Variants in EPG5 observed in about 807,000 individuals in gnomAD.
EPG5 encodes the protein ectopic P granules protein 5 homolog.
Under a neutral mutation model 302.7 loss-of-function variants are expected in EPG5, and 159 were observed. The observed-to-expected ratio is 0.53, with a 90% CI of 0.46 to 0.60. The LOEUF (loss-of-function observed/expected upper bound fraction) is 0.60. EPG5 is among the 20% of genes least tolerant of loss of function. EPG5 has a pLI of 0.00. For missense variants in EPG5, 2,896 were observed against 3,092.4 expected (o/e 0.94, Z 1.51); for synonymous variants, 1,158 against 1,136.8 (o/e 1.02, Z -0.37).
intron 15 of EPG5, 47 bp from the exon 16 acceptor site, chr18:45,922,647 A>C (rs2050185096): frequency 6.3e-7 from 1 of 1,597,996 alleles, no homozygotes. Flanking sequence ...ACACAAATTA[A>C]ATCAGTAAGC....
At chr18:45,905,685 C>A (rs1484970842) in intron 24 of EPG5, among the ~76,000 whole-genome samples, 2 of 152,096 alleles carry the variant, frequency 1.3e-5, no homozygotes, top group Non-Finnish European at 2.9e-5. Flanking sequence ...GCTTGAATTA[C>A]AGATCAAGAA....
chr18:45,901,193 C>T, intron 25 of EPG5, 26 bp from the exon 26 acceptor site: 1 of 1,600,548 alleles, frequency 6.2e-7, no homozygotes, highest in East Asian at 2.2e-5. Flanking sequence ...GTCATATATA[C>T]TGAGCAATCA....
intron 7 of EPG5, among the ~76,000 whole-genome samples, chr18:45,945,544 T>C (rs1483111009): frequency 1.3e-5 from 2 of 152,140 alleles, no homozygotes; most frequent in Admixed American, 1.3e-4. Context: ...AATCAAATAT[T>C]TTGACTGGAA....
chr18:45,837,956 C>G, the EPG5 span: 11 of 1,420,178 alleles, frequency 7.7e-6, no homozygotes, highest in Non-Finnish European at 1.0e-5. Flanking sequence ...CTGCCCCGCC[C>G]CAAGGGCTAC....
chr18:45,965,598 A>G (rs540861200), intron 1 of EPG5, among the ~76,000 whole-genome samples: 1 of 152,234 alleles, frequency 6.6e-6, no homozygotes, highest in Non-Finnish European at 1.5e-5. Flanking sequence ...TCATGCTTAA[A>G]TTACACCTGC....
chr18:45,812,838 C>G, the EPG5 span, among the ~76,000 whole-genome samples: 1 of 152,276 alleles, frequency 6.6e-6, no homozygotes, highest in South Asian at 2.1e-4. Context: ...CTAGGCAATA[C>G]CATTCAGGAC....
At chr18:45,923,158 A>G (rs886623452) in intron 15 of EPG5, 110 bp downstream of exon 15, 1 of 1,209,758 alleles carries the variant, frequency 8.3e-7, no homozygotes, top group Non-Finnish European at 1.1e-6. Flanking sequence ...AAATTGCTAG[A>G]AATGTTCTTA....
At chr18:45,937,320 TTATA>T (rs61109408) in intron 10 of EPG5, among the ~76,000 whole-genome samples, 1 of 140,298 alleles carries the variant, frequency 7.1e-6, no homozygotes, top group Non-Finnish European at 1.6e-5. Context: ...ATATAGGTAT[TTATA>T]TATATATACA....
chr18:45,841,350 A>G, the EPG5 span, among the ~76,000 whole-genome samples: 1 of 152,174 alleles, frequency 6.6e-6, no homozygotes, highest in African/African-American at 2.4e-5. Context: ...AAAGGCAAGT[A>G]GAAAGACTCA....
At chr18:45,888,367 A>G (rs1050068766) in intron 28 of EPG5, among the ~76,000 whole-genome samples, 3 of 151,888 alleles carry the variant, frequency 2.0e-5, no homozygotes, top group Non-Finnish European at 4.4e-5. Flanking sequence ...GCAATGGCGC[A>G]ATCTCAGCTC....
chr18:45,825,674 C>T, the EPG5 span: 7 of 1,598,090 alleles, frequency 4.4e-6, no homozygotes, highest in Non-Finnish European at 6.0e-6. Context: ...GGAGGGCCCT[C>T]ACTGGGGAGG....
the EPG5 span, among the ~76,000 whole-genome samples, chr18:45,810,716 G>T: frequency 3.9e-5 from 6 of 152,152 alleles, no homozygotes; most frequent in African/African-American, 1.4e-4. Flanking sequence ...GGGAGGCGGA[G>T]GTTGCAGTGA....
intron 35 of EPG5, 40 bp downstream of exon 35, chr18:45,876,196 A>C: frequency 7.0e-7 from 1 of 1,426,100 alleles, no homozygotes. Flanking sequence ...GACTTAGGGA[A>C]AAATGAAAAC....
At chr18:45,815,825 T>A in the EPG5 span, among the ~76,000 whole-genome samples, 1 of 152,160 alleles carries the variant, frequency 6.6e-6, no homozygotes, top group Non-Finnish European at 1.5e-5. Context: ...AGAGCCCGCA[T>A]AGCCAAAGCA....
At chr18:45,870,427 A>G in intron 36 of EPG5, 140 bp downstream of exon 36, 3 of 591,202 alleles carry the variant, frequency 5.1e-6, no homozygotes, top group South Asian at 5.1e-5. Context: ...TGTTTTCCAC[A>G]GGCACCACCG....
chr18:45,944,853 C>T (rs563691947), intron 7 of EPG5, among the ~76,000 whole-genome samples: 2 of 152,280 alleles, frequency 1.3e-5, no homozygotes, highest in South Asian at 2.1e-4. Flanking sequence ...AGACTTAAGA[C>T]GAAGCAATTG....
chr18:45,952,833 C>A (rs1335237814), intron 2 of EPG5, among the ~76,000 whole-genome samples, 190 bp from the exon 3 acceptor site: 1 of 152,112 alleles, frequency 6.6e-6, no homozygotes, highest in Non-Finnish European at 1.5e-5. Context: ...AACAGAAGGC[C>A]AATCACAAAT....
the EPG5 span, chr18:45,825,729 A>C: frequency 6.2e-7 from 1 of 1,614,208 alleles, no homozygotes; most frequent in South Asian, 1.1e-5. Flanking sequence ...TGCTCACAGC[A>C]TGGAAAAGTC....
rs374363451 is a variant in EPG5, at chr18:45,928,139, G to T, written c.2553+730C>A. Among the ~76,000 whole-genome samples, 6 of 152,082 alleles carry T rather than the reference G, an allele frequency of 3.9e-5. No individual in the cohort carries two copies. In the East Asian group the frequency reaches 5.8e-4, roughly 15 times the overall value. ...TGAACCTGGGAGGCAGAGGTTGTAG[G>T]GAGGCAGAGGTTGCAGTGAGCCGAG... is the stretch of plus-strand genomic sequence containing the variant. On this transcript the variant is annotated intron_variant, in intron 13 of 43. Transcript: ENST00000282041.
Sources: gnomAD v4.1 joint callset for allele counts (sites outside exome capture counted in the v4.1 genomes callset) on GRCh38, gnomAD v4.1.1 for gene constraint, MANE v1.5 for transcripts, NCBI Gene and HGNC (gene_info 2026-07-23, HGNC 2026-07-21) for gene names.